FGGY: variants seen among roughly 807,000 people sequenced by gnomAD.
FGGY encodes FGGY carbohydrate kinase domain containing, also known as FGGY carbohydrate kinase domain-containing protein.
Under a neutral mutation model 71.3 loss-of-function variants are expected in FGGY, and 72 were observed. The observed-to-expected ratio is 1.01, with a 90% CI of 0.84 to 1.23. The LOEUF is 1.23. FGGY is among the 50% of genes most tolerant of loss of function. FGGY has a pLI of 0.00. For synonymous variants in FGGY, 251 were observed against 250.3 expected (o/e 1.00, Z -0.02); for missense variants, 668 against 682.3 (o/e 0.98, Z 0.23).
chr1:59,450,302 G>C (rs2072400703), intron 5 of FGGY, among the ~76,000 whole-genome samples: 1 of 151,998 alleles, frequency 6.6e-6, no homozygotes, highest in African/African-American at 2.4e-5. Context: ...ATCTTCCTGT[G>C]ATTTGTGCTA....
intron 8 of FGGY, among the ~76,000 whole-genome samples, chr1:59,594,516 C>T (rs1360282374): frequency 3.3e-5 from 5 of 152,192 alleles, no homozygotes. Context: ...CACCCCAACA[C>T]TGCTTCTTCC....
intron 14 of FGGY, among the ~76,000 whole-genome samples, chr1:59,696,429 A>G (rs2097659752): frequency 1.3e-5 from 2 of 152,230 alleles, no homozygotes; most frequent in Non-Finnish European, 2.9e-5. Context: ...AGAAAAGAAA[A>G]TAATTGTGAA....
chr1:59,368,889 C>A (rs61542269), intron 4 of FGGY, among the ~76,000 whole-genome samples: 49,084 of 151,600 alleles, frequency 0.32, 8,324 homozygotes, highest in East Asian at 0.42. Context: ...CAGGAGTTCA[C>A]GACCAGCCTG....
intron 10 of FGGY, among the ~76,000 whole-genome samples, chr1:59,631,302 C>G (rs2096906466): frequency 6.6e-6 from 1 of 152,176 alleles, no homozygotes; most frequent in South Asian, 2.1e-4. Flanking sequence ...CCAAGATGAT[C>G]TCAGCTATGC....
intron 2 of FGGY, among the ~76,000 whole-genome samples, chr1:59,325,595 C>G (rs1382272819): frequency 6.6e-6 from 1 of 152,206 alleles, no homozygotes; most frequent in Non-Finnish European, 1.5e-5. Context: ...AAACTATGAG[C>G]TGAGCTCTTA....
In FGGY at chr1:59,408,062, ACT is replaced by A. The variant is rs2063030047; in HGVS notation, c.554+29229_554+29230del. On this transcript the variant is annotated intron_variant, in intron 5 of 15. Coordinates refer to ENST00000303721, the MANE Select transcript of FGGY (RefSeq NM_018291.5). ...AGTAATACTAGAAAAGATTGCCTTGACTCTCAGCATTTCATTGGGAGGCCATG... is the reference window on the plus strand; with the variant it reads ...AGTAATACTAGAAAAGATTGCCTTGACTCAGCATTTCATTGGGAGGCCATG... Among the ~76,000 whole-genome samples the A allele has an allele frequency of 5.9e-5, 9 of 152,188 alleles. 1 individual carries two copies. The South Asian group carries it at 1.9e-3, about 32-fold the overall frequency.
chr1:59,368,995 G>A (rs536330943), intron 4 of FGGY, among the ~76,000 whole-genome samples: 155 of 152,238 alleles, frequency 1.0e-3, no homozygotes, highest in African/African-American at 3.7e-3. Flanking sequence ...CGCAGAAGAC[G>A]GGTGATTTCT....
intron 14 of FGGY, among the ~76,000 whole-genome samples, chr1:59,750,962 G>A (rs1000342287): frequency 5.3e-5 from 8 of 151,796 alleles, no homozygotes; most frequent in African/African-American, 9.7e-5. Flanking sequence ...ATACACACGT[G>A]CTCGTCTCAC....
rs542126065 is a variant in FGGY, at chr1:59,686,765, A to G, written c.1512+12632A>G. Among the ~76,000 whole-genome samples the G allele has an allele frequency of 3.3e-5, 5 of 152,282 alleles. No homozygotes were observed. The East Asian group carries it at 5.8e-4, about 18-fold the overall frequency. Reference sequence around the variant, plus strand: ...AAGTAATAAATCGAGCTGTATTTCAATCCTGTAGCTGTGCACTAGATTAGT... The same window carrying G: ...AAGTAATAAATCGAGCTGTATTTCAGTCCTGTAGCTGTGCACTAGATTAGT... On this transcript the variant is annotated intron_variant, in intron 14 of 15. Transcript: ENST00000303721.
chr1:59,635,778 G>A (rs895708916), intron 10 of FGGY, among the ~76,000 whole-genome samples: 140 of 152,278 alleles, frequency 9.2e-4, no homozygotes, highest in Non-Finnish European at 4.7e-4. Context: ...TACCTTGTAT[G>A]GAGGCTTCAG....
intron 3 of FGGY, among the ~76,000 whole-genome samples, chr1:59,342,964 T>G (rs1480566280): frequency 1.3e-5 from 2 of 152,200 alleles, no homozygotes; most frequent in African/African-American, 4.8e-5. Context: ...ACCCCTGGGC[T>G]GGACAGCAGC....
chr1:59,609,284 A>G (rs932759352), intron 9 of FGGY, among the ~76,000 whole-genome samples: 1 of 152,252 alleles, frequency 6.6e-6, no homozygotes, highest in Non-Finnish European at 1.5e-5. Flanking sequence ...CCTGTAAAAC[A>G]TGCTAAGGAA....
chr1:59,311,998 T>C (rs2153097767), intron 1 of FGGY, among the ~76,000 whole-genome samples: 1 of 152,366 alleles, frequency 6.6e-6, no homozygotes, highest in African/African-American at 2.4e-5. Context: ...TCTCTAATGA[T>C]CAGTGATGTT....
intron 8 of FGGY, among the ~76,000 whole-genome samples, chr1:59,604,667 A>G (rs796919678): frequency 1.2e-4 from 19 of 152,204 alleles, no homozygotes; most frequent in African/African-American, 4.3e-4. Flanking sequence ...AAAGAGCATT[A>G]TCATAGAGTT....
intron 5 of FGGY, among the ~76,000 whole-genome samples, chr1:59,446,004 A>G (rs1252603638): frequency 6.6e-6 from 1 of 152,218 alleles, no homozygotes; most frequent in East Asian, 1.9e-4. Flanking sequence ...GGAAATACTA[A>G]TAATAGTATC....
At chr1:59,318,439 G>A (rs2045836829) in intron 1 of FGGY, among the ~76,000 whole-genome samples, 2 of 152,236 alleles carry the variant, frequency 1.3e-5, no homozygotes, top group Non-Finnish European at 2.9e-5. Context: ...CATTCTCCAT[G>A]TGAAGGGTGG....
chr1:59,546,492 G>GGATGATGAT (rs371455666), intron 7 of FGGY, among the ~76,000 whole-genome samples: 3 of 115,406 alleles, frequency 2.6e-5, no homozygotes, highest in East Asian at 2.2e-4. Flanking sequence ...TTAAAGCATA[G>GGATGATGAT]GATGATGATG....
At chr1:59,692,705 C>T (rs898936253) in intron 14 of FGGY, among the ~76,000 whole-genome samples, 1 of 151,632 alleles carries the variant, frequency 6.6e-6, no homozygotes, top group Non-Finnish European at 1.5e-5. Context: ...AGATAGTCTT[C>T]TTGCATGGGC....
intron 14 of FGGY, among the ~76,000 whole-genome samples, chr1:59,697,395 T>C (rs941398121): frequency 2.0e-5 from 3 of 152,150 alleles, no homozygotes; most frequent in Non-Finnish European, 4.4e-5. Flanking sequence ...CTACTTTCTG[T>C]CTCTGTGAAT....
Sources: gnomAD v4.1 joint callset for allele counts (sites outside exome capture counted in the v4.1 genomes callset) on GRCh38, gnomAD v4.1.1 for gene constraint, MANE v1.5 for transcripts, NCBI Gene and HGNC (gene_info 2026-07-23, HGNC 2026-07-21) for gene names.